Variants in FRMD4B observed in about 807,000 individuals in gnomAD.
FRMD4B encodes FERM domain containing 4B.
FRMD4B carries 74 observed loss-of-function variants against 141.5 expected under a neutral mutation model. That is an observed-to-expected ratio of 0.52 (90% CI 0.43 to 0.63). The LOEUF (loss-of-function observed/expected upper bound fraction) is 0.63. Ranked by LOEUF, FRMD4B falls within the 30% of genes least tolerant of loss-of-function variation. The probability of loss-of-function intolerance (pLI) is 0.00; values close to 1 mark genes in which losing one functional copy is unlikely to be tolerated. For synonymous variants in FRMD4B, 506 were observed against 467.9 expected (o/e 1.08, Z -1.05); for missense variants, 1,366 against 1,253.4 (o/e 1.09, Z -1.36).
chr3:69,250,137 C>G, intron 5 of FRMD4B, 38 bp from the exon 6 acceptor site: 1 of 1,431,920 alleles, frequency 7.0e-7, no homozygotes, highest in African/African-American at 1.4e-5. Context: ...GAACATGGGG[C>G]TGTCCTAGAT....
At chr3:69,375,224 TCCATCCATCCACCCCA>T in intron 1 of FRMD4B, among the ~76,000 whole-genome samples, 1 of 116,958 alleles carries the variant, frequency 8.6e-6, no homozygotes, top group African/African-American at 3.4e-5. Flanking sequence ...CCCCATCCCA[TCCATCCATCCACCCCA>T]TCCCATCCAT....
At chr3:69,417,065 C>G (rs774879231) in intron 2 of FRMD4B, among the ~76,000 whole-genome samples, 7 of 152,106 alleles carry the variant, frequency 4.6e-5, no homozygotes, top group Non-Finnish European at 8.8e-5. Flanking sequence ...GGGTATATAC[C>G]TGGTAATGGG....
Position 69,437,057 on chromosome 3 carries a change from C to T in FRMD4B, c.-128-4296G>A, listed in dbSNP as rs909445163. ...GATGAAAAATGTTCTGGAGATGAAT[C>T]GTGGTAGTGGTTGTTCAACATTGTG... On this transcript the variant is annotated intron_variant, in intron 1 of 5. Coordinates refer to the FRMD4B transcript ENST00000459638. Among the ~76,000 whole-genome samples, 10 of 152,052 alleles carry T rather than the reference C, an allele frequency of 6.6e-5. No individual in the cohort carries two copies. The South Asian group carries it at 1.5e-3, about 22-fold the overall frequency.
intron 1 of FRMD4B, among the ~76,000 whole-genome samples, chr3:69,496,637 A>AAGAG (rs1169584495): frequency 0.056 from 3,164 of 56,382 alleles, 179 homozygotes; most frequent in Non-Finnish European, 0.066. Flanking sequence ...GAGAGAGAGA[A>AAGAG]AGAGAGAGAG....
chr3:69,300,507 T>G (rs577289812), intron 4 of FRMD4B, among the ~76,000 whole-genome samples: 2 of 152,318 alleles, frequency 1.3e-5, no homozygotes, highest in Admixed American at 1.3e-4. Context: ...TATGAATGAC[T>G]GTACAGAAAG....
At position 69,175,769 on chromosome 3, in the gene FRMD4B, CTTTTTT is replaced by C. The variant is rs141059202; in HGVS notation, c.2984+749_2984+754del. Among the ~76,000 whole-genome samples the C allele has an allele frequency of 3.3e-3, 288 of 88,076 alleles. 2 individuals carry two copies. The highest frequency in any genetic ancestry group is 0.01 in the African/African-American group (268 of 26,580). 57.8% of individuals were successfully genotyped at this position (88,076 alleles called of 152,430 possible). On this transcript the variant is annotated intron_variant, in intron 22 of 22. Transcript: ENST00000398540. Reference sequence around the variant, plus strand: ...GTTAGCAAACTTTTTCTTTTCTTCTCTTTTTTTTTTTTTTTTTTTTTTTGAGACGGA... The same window carrying C: ...GTTAGCAAACTTTTTCTTTTCTTCTCTTTTTTTTTTTTTTTTTGAGACGGA...
chr3:69,379,935 T>C (rs1449296601), intron 1 of FRMD4B, among the ~76,000 whole-genome samples: 1 of 152,228 alleles, frequency 6.6e-6, no homozygotes, highest in East Asian at 1.9e-4. Context: ...GTTTGCTGAC[T>C]CCCTTTCTAG....
intron 1 of FRMD4B, among the ~76,000 whole-genome samples, chr3:69,460,973 A>G (rs1225570583): frequency 1.3e-5 from 2 of 152,208 alleles, no homozygotes; most frequent in African/African-American, 4.8e-5. Context: ...CACTATCTAG[A>G]CAATAATTCT....
intron 1 of FRMD4B, among the ~76,000 whole-genome samples, chr3:69,458,665 A>G (rs1266453061): frequency 6.6e-6 from 1 of 152,132 alleles, no homozygotes; most frequent in African/African-American, 2.4e-5. Context: ...GTGTTTGGAT[A>G]CCTTCAGGGT....
intron 1 of FRMD4B, among the ~76,000 whole-genome samples, chr3:69,468,205 A>AG (rs1279141043): frequency 7.0e-6 from 1 of 143,586 alleles, no homozygotes; most frequent in Non-Finnish European, 1.5e-5. Flanking sequence ...GCAAAAGCAG[A>AG]GAAAAAAAGT....
At chr3:69,475,179 T>C (rs1033936018) in intron 1 of FRMD4B, among the ~76,000 whole-genome samples, 1 of 152,042 alleles carries the variant, frequency 6.6e-6, no homozygotes, top group Non-Finnish European at 1.5e-5. Flanking sequence ...TCCTGACCTG[T>C]GTTTCTATTT....
intron 1 of FRMD4B, among the ~76,000 whole-genome samples, chr3:69,358,039 A>G (rs1447911002): frequency 6.6e-6 from 1 of 152,222 alleles, no homozygotes; most frequent in East Asian, 1.9e-4. Flanking sequence ...TCTCAAAAAG[A>G]GAAGAGTAAT....
intron 11 of FRMD4B, among the ~76,000 whole-genome samples, chr3:69,209,797 T>A (rs1242328795): frequency 6.6e-6 from 1 of 152,244 alleles, no homozygotes; most frequent in African/African-American, 2.4e-5. Context: ...TATTTGGCAT[T>A]AATGTAGAAA....
intron 1 of FRMD4B, among the ~76,000 whole-genome samples, chr3:69,341,853 C>A (rs1702749840): frequency 1.3e-5 from 2 of 152,132 alleles, no homozygotes; most frequent in Admixed American, 1.3e-4. Flanking sequence ...AGTGCCAGCC[C>A]CTTGATCTTA....
intron 9 of FRMD4B, among the ~76,000 whole-genome samples, chr3:69,218,901 G>A (rs1044683990): frequency 6.6e-6 from 1 of 152,172 alleles, no homozygotes; most frequent in Non-Finnish European, 1.5e-5. Flanking sequence ...GGTGGCTCAC[G>A]CCTGTAATCC....
chr3:69,203,467 C>T (rs1575606091), intron 11 of FRMD4B, among the ~76,000 whole-genome samples: 1 of 151,984 alleles, frequency 6.6e-6, no homozygotes, highest in African/African-American at 2.4e-5. Context: ...TTTCCATCAA[C>T]AGATATTTCT....
intron 21 of FRMD4B, among the ~76,000 whole-genome samples, chr3:69,180,567 C>T (rs1350561675): frequency 2.6e-5 from 4 of 151,980 alleles, no homozygotes; most frequent in Non-Finnish European, 5.9e-5. Flanking sequence ...CACATCCCAG[C>T]CTAGGCGACA....
intron 1 of FRMD4B, among the ~76,000 whole-genome samples, chr3:69,513,500 C>G (rs983560500): frequency 6.6e-6 from 1 of 152,118 alleles, no homozygotes; most frequent in Non-Finnish European, 1.5e-5. Context: ...CCAATCCTCC[C>G]CAAACTCTTC....
intron 7 of FRMD4B, among the ~76,000 whole-genome samples, chr3:69,235,194 A>T (rs1033400984): frequency 2.2e-5 from 3 of 137,242 alleles, no homozygotes; most frequent in African/African-American, 5.5e-5. Flanking sequence ...AATAATAATA[A>T]TAATATTTTC....
Sources: gnomAD v4.1 joint callset for allele counts (sites outside exome capture counted in the v4.1 genomes callset) on GRCh38, gnomAD v4.1.1 for gene constraint, MANE v1.5 for transcripts, NCBI Gene and HGNC (gene_info 2026-07-23, HGNC 2026-07-21) for gene names.